Variants in DGKD observed in about 807,000 individuals in gnomAD.
The protein encoded by DGKD is diacylglycerol kinase delta.
DGKD carries 68 observed loss-of-function variants against 154.4 expected under a neutral mutation model. That is an observed-to-expected ratio of 0.44 (90% CI 0.36 to 0.54). DGKD has a LOEUF of 0.54. Among genes scored for constraint, DGKD ranks in the 20% least tolerant of loss-of-function variants. DGKD has a pLI of 0.00. For synonymous variants in DGKD, 693 were observed against 638.0 expected (o/e 1.09, Z -1.30); for missense variants, 1,343 against 1,593.6 (o/e 0.84, Z 2.68).
Position 233,388,288 on chromosome 2 carries a change from A to G in DGKD, c.188A>G (p.Gln63Arg). The G allele has an allele frequency of 1.2e-6, 2 of 1,614,132 alleles. No homozygotes were observed. The highest frequency in any genetic ancestry group is 2.2e-5 in the South Asian group (2 of 91,064). ...ATCAAAGAGGGGATGCTGACCAAACAGAACAATTCATTCCAGCGATCAAAA... is the reference window on the plus strand; with the variant it reads ...ATCAAAGAGGGGATGCTGACCAAACGGAACAATTCATTCCAGCGATCAAAA... ...TIIKEGMLTK[Q>R]NNSFQRSKRR... Residue 63 changes from glutamine to arginine, a missense_variant, in exon 2 of 30, where the codon CAG becomes CGG. Coordinates refer to ENST00000264057, the MANE Select transcript of DGKD (RefSeq NM_152879.3).
At chr2:233,454,988 G>T (rs982654720) in intron 19 of DGKD, 115 bp downstream of exon 19, 8 of 655,304 alleles carry the variant, frequency 1.2e-5, no homozygotes, top group Admixed American at 5.5e-5. Flanking sequence ...TGCTAAGGCG[G>T]GGGGCAGAAA....
At chr2:233,444,223 T>C (rs1366901875) in intron 10 of DGKD, among the ~76,000 whole-genome samples, 1 of 152,158 alleles carries the variant, frequency 6.6e-6, no homozygotes, top group Non-Finnish European at 1.5e-5. Flanking sequence ...TCTAGATGTC[T>C]GAGCCAGGAA....
In DGKD at chr2:233,459,894, A is replaced by G; in HGVS notation, c.2829+3A>G. The G allele has an allele frequency of 1.1e-5, 17 of 1,613,346 alleles. No individual in the cohort carries two copies. Among genetic ancestry groups the G allele is most frequent in the Non-Finnish European group, 1.4e-5 (17 of 1,179,584 alleles). On this transcript the variant is annotated splice_donor_region_variant and intron_variant, in intron 23 of 29. Transcript: ENST00000264057. The surrounding 1 kb of genome is among the most constrained non-coding windows in gnomAD (Gnocchi z 5.7). ...CACAGACACTGACCAGAGACAGGGT[A>G]AGAGCGGCTGCCCGCGGTACCTGGG... is the stretch of plus-strand genomic sequence containing the variant.
At chr2:233,469,014 A>T (rs1268886263) in intron 29 of DGKD, among the ~76,000 whole-genome samples, 3 of 147,344 alleles carry the variant, frequency 2.0e-5, no homozygotes, top group African/African-American at 7.6e-5. Context: ...CAACGGGCCA[A>T]CCCCTGGGTG....
intron 1 of DGKD, among the ~76,000 whole-genome samples, chr2:233,370,024 T>G (rs1359198723): frequency 6.6e-6 from 1 of 152,110 alleles, no homozygotes; most frequent in Non-Finnish European, 1.5e-5. Flanking sequence ...AGTGCACAGT[T>G]AAGTGCCATT....
rs530607643 is a variant in DGKD at position 233,435,759 on chromosome 2, G to A, written c.587-59G>A. 9 of 1,528,298 alleles carry A rather than the reference G, an allele frequency of 5.9e-6. No individual in the cohort carries two copies. In the African/African-American group the frequency reaches 1.3e-4, roughly 21 times the overall value. The allele number at this position is 1,528,298 out of a possible 1,614,324, so 94.7% of individuals were successfully genotyped here. On this transcript the variant is annotated intron_variant, in intron 5 of 29. Transcript: ENST00000264057. Reference sequence around the variant, plus strand: ...TGGACGGTTCTCACAACACTGCTCAGCATGGGAAGCTCTTGGCACAGACAC... The same window carrying A: ...TGGACGGTTCTCACAACACTGCTCAACATGGGAAGCTCTTGGCACAGACAC...
At chr2:233,425,288 G>A (rs1163107011) in intron 3 of DGKD, among the ~76,000 whole-genome samples, 1 of 152,138 alleles carries the variant, frequency 6.6e-6, no homozygotes, top group Non-Finnish European at 1.5e-5. Flanking sequence ...CCGGGTTCAC[G>A]CCATTCTCCT....
chr2:233,421,681 C>T (rs2062120034), intron 3 of DGKD, among the ~76,000 whole-genome samples: 2 of 152,270 alleles, frequency 1.3e-5, no homozygotes, highest in South Asian at 4.2e-4. Flanking sequence ...TCGCCTCCTC[C>T]CCGTTTTTGC....
rs3214826 is a variant in DGKD at position 233,438,445 on chromosome 2, TA to T, written c.1085+77del. 0.24 allele frequency: 291,056 copies of T among 1,216,716 alleles called. 27,648 individuals carry two copies. Among genetic ancestry groups the T allele is most frequent in the African/African-American group, 0.61 (40,268 of 66,112 alleles). 75.4% of individuals were successfully genotyped at this position (1,216,716 alleles called of 1,614,324 possible). On this transcript the variant is annotated intron_variant, in intron 9 of 29. Transcript: ENST00000264057. This position sits in a 1 kb window ranked among gnomAD's most constrained non-coding sequence, Gnocchi z 4.1. ...AATTGTGTAGATAGTGTGTGCTTGT[TA>T]AAAAAAAAAAGTTCAAAGACACAAA...
At chr2:233,383,086 G>T (rs1224497672) in intron 1 of DGKD, among the ~76,000 whole-genome samples, 1 of 150,916 alleles carries the variant, frequency 6.6e-6, no homozygotes, top group African/African-American at 2.4e-5. Context: ...TGTCACCCAG[G>T]CGGGAGTGCA....
chr2:233,468,997 T>C (rs1368145056), intron 29 of DGKD, among the ~76,000 whole-genome samples: 2 of 152,152 alleles, frequency 1.3e-5, no homozygotes, highest in Non-Finnish European at 2.9e-5. Flanking sequence ...CCTGCCCAGG[T>C]TGGCCTCAAC....
intron 1 of DGKD, among the ~76,000 whole-genome samples, chr2:233,377,105 G>C (rs1204988095): frequency 2.2e-5 from 3 of 136,132 alleles, no homozygotes; most frequent in East Asian, 2.1e-4. Context: ...TTTTGGAGAC[G>C]GAGTTTCACT....
intron 3 of DGKD, among the ~76,000 whole-genome samples, chr2:233,409,436 T>G (rs1290706293): frequency 6.6e-6 from 1 of 152,124 alleles, no homozygotes; most frequent in Non-Finnish European, 1.5e-5. Flanking sequence ...CAGTGAATAC[T>G]TTTTAGCCAT....
chr2:233,384,296 C>T (rs1438548833), intron 1 of DGKD, among the ~76,000 whole-genome samples: 2 of 152,150 alleles, frequency 1.3e-5, no homozygotes, highest in Non-Finnish European at 1.5e-5. Context: ...GCGATCTTCT[C>T]GACGTGCTCT....
rs1162430401 is a variant in DGKD, at chr2:233,394,691, CTTTTTTTTTTTTTTTT to C, written c.348+4226_348+4241del. On this transcript the variant is annotated intron_variant, in intron 3 of 29. Transcript: ENST00000264057. ...TCCTTATTATTTTGAATTTAATTCC[CTTTTTTTTTTTTTTTT>C]TTTTTTTTTTTTTTTTTAGAGATAG... is the stretch of plus-strand genomic sequence containing the variant. Among the ~76,000 whole-genome samples the C allele has an allele frequency of 8.7e-4, 23 of 26,408 alleles. 1 individual carries two copies. The highest frequency in any genetic ancestry group is 4.3e-3 in the South Asian group (3 of 698). The allele number at this position is 26,408 out of a possible 152,430, so 17.3% of individuals were successfully genotyped here. A position where few individuals can be genotyped will look rare whatever the true frequency, so the allele number is the denominator to read the frequency against.
At chr2:233,428,926 T>C (rs945874382) in intron 3 of DGKD, among the ~76,000 whole-genome samples, 3 of 152,160 alleles carry the variant, frequency 2.0e-5, no homozygotes, top group Non-Finnish European at 2.9e-5. Context: ...AAACCCAGGT[T>C]CTCTGACATT....
intron 1 of DGKD, among the ~76,000 whole-genome samples, chr2:233,374,140 T>G (rs1213200001): frequency 1.3e-5 from 2 of 150,614 alleles, no homozygotes; most frequent in African/African-American, 4.9e-5. Context: ...AACCTCCACC[T>G]CCCGGGTTCA....
chr2:233,441,841 C>A lies in DGKD; in HGVS notation c.1086-46C>A. ...CCGTACTGACAAGCCTGTCATTTGT[C>A]CTGTGGAATGGATGTCATTTCACGG... On this transcript the variant is annotated intron_variant, in intron 9 of 29. Coordinates refer to ENST00000264057, the MANE Select transcript of DGKD (RefSeq NM_152879.3). This position sits in a 1 kb window ranked among gnomAD's most constrained non-coding sequence, Gnocchi z 5.6. The A allele has an allele frequency of 6.4e-7, 1 of 1,564,940 alleles. No individual in the cohort carries two copies. The highest frequency in any genetic ancestry group is 1.2e-5 in the South Asian group (1 of 86,102).
intron 10 of DGKD, 29 bp downstream of exon 10, chr2:233,442,024 G>A (rs751989048): frequency 1.3e-6 from 2 of 1,588,328 alleles, no homozygotes; most frequent in African/African-American, 2.7e-5. Context: ...GCCCAGCCAG[G>A]AGCAGAGAGG....
Sources: gnomAD v4.1 joint callset for allele counts (sites outside exome capture counted in the v4.1 genomes callset) on GRCh38, gnomAD v4.1.1 for gene constraint, Gnocchi (gnomAD v3.1) non-coding constraint, MANE v1.5 for transcripts, NCBI Gene and HGNC (gene_info 2026-07-23, HGNC 2026-07-21) for gene names.